The following EMC1 variants were observed in gnomAD, a reference collection of about 807,000 sequenced individuals.
The protein encoded by EMC1 is ER membrane protein complex subunit 1, also known as KIAA0090.
In EMC1, 103 loss-of-function variants were observed where a neutral mutation model predicts 128.8. The observed-to-expected ratio is 0.80, with a 90% CI of 0.68 to 0.94. The LOEUF (loss-of-function observed/expected upper bound fraction) is 0.94, where lower values mean the gene tolerates loss of function less well. EMC1 is among the 40% of genes least tolerant of loss of function. EMC1 has a pLI of 0.00. For synonymous variants in EMC1, 442 were observed against 490.4 expected, an observed-to-expected ratio of 0.90 and a Z score of 1.30; for missense variants, 1,083 against 1,250.6, an observed-to-expected ratio of 0.87 and a Z score of 2.02.
rs1439102716 is a variant in EMC1, at chr1:19,220,854, C to A, written c.2588-6G>T. On this transcript the variant is annotated splice_region_variant and splice_polypyrimidine_tract_variant and intron_variant, in intron 20 of 22. Transcript: ENST00000477853. ...TGCTCCAGAAGGTAGTCCAACTACA[C>A]AGGAGGAAGTGAATGTTCACACCGA... is the stretch of plus-strand genomic sequence containing the variant. 2.1e-5 allele frequency: 33 copies of A among 1,608,018 alleles called. No individual in the cohort carries two copies. Among genetic ancestry groups the A allele is most frequent in the Non-Finnish European group, 2.7e-5 (32 of 1,175,574 alleles).
chr1:19,223,836 C>T (rs1034666868), intron 18 of EMC1, among the ~76,000 whole-genome samples: 1 of 152,142 alleles, frequency 6.6e-6, no homozygotes, highest in African/African-American at 2.4e-5. Flanking sequence ...GCAGAAAAGT[C>T]CCAAAGTAGT....
intron 7 of EMC1, 143 bp from the exon 8 acceptor site, chr1:19,240,128 C>A: frequency 8.3e-7 from 1 of 1,211,948 alleles, no homozygotes. Flanking sequence ...TCAAGTTCCC[C>A]AAAGAGGAAA....
At chr1:19,237,015 G>T in intron 12 of EMC1, 127 bp downstream of exon 12, 5 of 434,994 alleles carry the variant, frequency 1.1e-5, no homozygotes, top group South Asian at 2.3e-5. Context: ...GGCTATGAAC[G>T]AAACACTCAG....
At chr1:19,220,918 A>T in intron 20 of EMC1, 70 bp from the exon 21 acceptor site, 1 of 1,100,676 alleles carries the variant, frequency 9.1e-7, no homozygotes, top group Non-Finnish European at 1.3e-6. Flanking sequence ...AAATGTCATT[A>T]TTGCAGACAT....
intron 1 of EMC1, among the ~76,000 whole-genome samples, chr1:19,250,864 CGTGG>C (rs1439473447): frequency 6.6e-6 from 1 of 152,052 alleles, no homozygotes; most frequent in East Asian, 1.9e-4. Flanking sequence ...TTAAGGAAGA[CGTGG>C]GTGGGTGAAT....
chr1:19,243,507 C>G (rs2093617443), intron 4 of EMC1, 107 bp downstream of exon 4: 1 of 964,726 alleles, frequency 1.0e-6, no homozygotes, highest in Non-Finnish European at 1.7e-6. Context: ...GCTGGCTCTT[C>G]AGTGGTCCCT....
chr1:19,247,537 G>A (rs770587556), intron 1 of EMC1, among the ~76,000 whole-genome samples: 10 of 152,138 alleles, frequency 6.6e-5, no homozygotes, highest in Non-Finnish European at 1.3e-4. Flanking sequence ...TGCGGTGAAG[G>A]TGGTGTAAAC....
chr1:19,244,477 T>C (rs2093622434), intron 2 of EMC1: 1 of 257,506 alleles, frequency 3.9e-6, no homozygotes, highest in African/African-American at 2.3e-5. Flanking sequence ...ACTGGCATGA[T>C]CACAGCTCAC....
intron 8 of EMC1, 68 bp from the exon 9 acceptor site, chr1:19,239,370 A>AC: frequency 2.9e-6 from 4 of 1,390,314 alleles, no homozygotes; most frequent in Non-Finnish European, 4.1e-6. Flanking sequence ...ACAGAGGGTC[A>AC]CCTCTCCAGG....
chr1:19,239,780 T>C lies in EMC1; in HGVS notation c.954+38A>G, dbSNP rs1219616365. The C allele has an allele frequency of 2.5e-6, 4 of 1,603,204 alleles. No individual in the cohort carries two copies. The Admixed American group carries it at 6.8e-5, about 27-fold the overall frequency. On this transcript the variant is annotated intron_variant, in intron 8 of 22. Coordinates refer to ENST00000477853, the MANE Select transcript of EMC1 (RefSeq NM_015047.3). ...TTCTAGCATCCATGTCTTGGAGAGA[T>C]CTCCTGAATCCTAGCAAACCATGTT...
At chr1:19,242,852 A>G (rs1199300055) in intron 4 of EMC1, among the ~76,000 whole-genome samples, 1 of 152,202 alleles carries the variant, frequency 6.6e-6, no homozygotes, top group African/African-American at 2.4e-5. Flanking sequence ...TCACAGTCCC[A>G]TGTGTTCTCA....
chr1:19,243,552 G>T, intron 4 of EMC1, 62 bp downstream of exon 4: 1 of 1,445,840 alleles, frequency 6.9e-7, no homozygotes, highest in Non-Finnish European at 9.7e-7. Flanking sequence ...TGCTGTCTAT[G>T]CAGATCTGTG....
rs1371342305 is a variant in EMC1 at position 19,245,020 on chromosome 1, A to G, written c.106T>C (p.Tyr36His). ...GAGGCAAACTTGACCTTCCCAACAT[A>G]TTGCTGTCTCCTGAGAAAAAAAGAG... Reference protein sequence around the residue: ...QVGKFDWRQQYVGKVKFASLE... With the variant: ...QVGKFDWRQQHVGKVKFASLE... The change falls in exon 2 of 23, where the codon TAT becomes CAT. Residue 36 changes from tyrosine (Y) to histidine (H), a missense_variant. Physicochemically the swap from Tyr to His is moderately conservative, Grantham distance 83 (BLOSUM62 2). Transcript: ENST00000477853. 2 of 1,613,818 alleles carry G rather than the reference A, an allele frequency of 1.2e-6. No homozygotes were observed. The highest frequency in any genetic ancestry group is 1.3e-5 in the African/African-American group (1 of 75,022).
At chr1:19,240,064 T>C in intron 7 of EMC1, 79 bp from the exon 8 acceptor site, 1 of 1,441,044 alleles carries the variant, frequency 6.9e-7, no homozygotes, top group East Asian at 2.4e-5. Flanking sequence ...ACCTCTGCCC[T>C]ACTTTGCCGG....
chr1:19,237,185 C>T lies in EMC1; in HGVS notation c.1266G>A (p.Leu422=). 1 of 1,613,966 alleles carries T rather than the reference C, an allele frequency of 6.2e-7. No homozygotes were observed. The highest frequency in any genetic ancestry group is 8.5e-7 in the Non-Finnish European group (1 of 1,179,976). The change falls in exon 12 of 23, where the codon TTG becomes TTA. Residue 422 remains leucine, a synonymous_variant. Coordinates refer to ENST00000477853, the MANE Select transcript of EMC1 (RefSeq NM_015047.3). ...GTAGCAGATGATCCTCTGTCTGCAC[C>T]AAAGCCCGGTAGCCCACTGAGTCAT... ...KKDDSVGYRA[L]VQTEDHLLLF...
chr1:19,248,196 G>GT (rs559144668), intron 1 of EMC1, among the ~76,000 whole-genome samples: 9 of 152,004 alleles, frequency 5.9e-5, no homozygotes, highest in Admixed American at 1.3e-4. Flanking sequence ...GTCTTAGTTT[G>GT]TTTTTTGTTT....
In EMC1 at chr1:19,223,572, G is replaced by T; in HGVS notation, c.2203-3C>A. ...GCCAGCAGGTTGGGGTTCAGGCTCT[G>T]GAGAGAGAGAGAAAACCTCCCTTAG... On this transcript the variant is annotated splice_polypyrimidine_tract_variant and splice_region_variant and intron_variant, in intron 18 of 22. Transcript: ENST00000477853. 6.2e-7 allele frequency: 1 copy of T among 1,613,142 alleles called. No homozygotes were observed.
At chr1:19,235,525 A>AC in intron 12 of EMC1, among the ~76,000 whole-genome samples, 1 of 152,204 alleles carries the variant, frequency 6.6e-6, no homozygotes, top group Non-Finnish European at 1.5e-5. Context: ...ACATGGTGAA[A>AC]CCCCTCTCTA....
intron 20 of EMC1, among the ~76,000 whole-genome samples, chr1:19,222,308 T>C (rs2093437596): frequency 6.6e-6 from 1 of 150,984 alleles, no homozygotes; most frequent in Non-Finnish European, 1.5e-5. Flanking sequence ...AAAAAAATTT[T>C]TTTAATTAGC....
Sources: gnomAD v4.1 joint callset for allele counts (sites outside exome capture counted in the v4.1 genomes callset) on GRCh38, gnomAD v4.1.1 for gene constraint, MANE v1.5 for transcripts, NCBI Gene and HGNC (gene_info 2026-07-23, HGNC 2026-07-21) for gene names.